The following AHNAK variants were observed in gnomAD, a reference collection of about 807,000 sequenced individuals.
AHNAK encodes neuroblast differentiation-associated protein AHNAK.
Under a neutral mutation model 37.8 loss-of-function variants are expected in AHNAK, and 23 were observed. The observed-to-expected ratio is 0.61, with a 90% CI of 0.44 to 0.86. The LOEUF (loss-of-function observed/expected upper bound fraction) is 0.86. Ranked by LOEUF, AHNAK falls within the 40% of genes least tolerant of loss-of-function variation. The probability of loss-of-function intolerance (pLI) is 0.00; values close to 1 mark genes in which losing one functional copy is unlikely to be tolerated. For missense variants in AHNAK, 7,411 were observed against 7,319.4 expected (o/e 1.01, Z -0.46); for synonymous variants, 2,481 against 2,636.3 (o/e 0.94, Z 1.80).
At chr11:62,487,302 A>G (rs1939413408) in intron 5 of AHNAK, among the ~76,000 whole-genome samples, 2 of 152,210 alleles carry the variant, frequency 1.3e-5, no homozygotes. Context: ...TGAAAGAAAA[A>G]CTGGAACATG....
At position 62,519,250 on chromosome 11, in the gene AHNAK, T is replaced by C; in HGVS notation, c.15167A>G (p.Lys5056Arg). 1 of 1,614,156 alleles carries C rather than the reference T, an allele frequency of 6.2e-7. No homozygotes were observed. The highest frequency in any genetic ancestry group is 8.5e-7 in the Non-Finnish European group (1 of 1,180,030). Residue 5056 changes from lysine (K) to arginine (R), a missense_variant, in exon 5 of 5, where the codon AAG (lysine) becomes AGG (arginine). Coordinates refer to ENST00000378024, the MANE Select transcript of AHNAK (RefSeq NM_001620.3). ...VPGGEIDASLKAPDVDVNIAG... is the reference protein window; with the variant it reads ...VPGGEIDASLRAPDVDVNIAG... ...GATGTTGACATCTACATCCGGAGCCTTGAGGCTGGCATCAATTTCACCCCC... is the reference window on the plus strand; with the variant it reads ...GATGTTGACATCTACATCCGGAGCCCTGAGGCTGGCATCAATTTCACCCCC...
chr11:62,485,325 G>A (rs1939368136), intron 5 of AHNAK, among the ~76,000 whole-genome samples: 1 of 152,078 alleles, frequency 6.6e-6, no homozygotes, highest in African/African-American at 2.4e-5. Context: ...CCAGGAGTTT[G>A]AGGCTACAGT....
chr11:62,524,099 A>C lies in AHNAK; in HGVS notation c.10318T>G (p.Leu3440Val), dbSNP rs1315928962. 6.2e-7 allele frequency: 1 copy of C among 1,613,970 alleles called. No homozygotes were observed. Among genetic ancestry groups the C allele is most frequent in the Non-Finnish European group, 8.5e-7 (1 of 1,180,024 alleles). ...TTGGGGCCTTTAAAGTCACCTTCTA[A>C]ATTGGGACCTGCAATATCTAAGTCT... ...KGDLDIAGPN[L>V]EGDFKGPKVD... Residue 3440 changes from leucine (L) to valine (V), a missense_variant, in exon 5 of 5, where the codon TTA (leucine) becomes GTA (valine). Physicochemically the swap from Leu to Val is conservative, Grantham distance 32. Coordinates refer to ENST00000378024, the MANE Select transcript of AHNAK (RefSeq NM_001620.3).
chr11:62,545,029 G>A (rs999698262), intron 1 of AHNAK, among the ~76,000 whole-genome samples: 2 of 152,224 alleles, frequency 1.3e-5, no homozygotes, highest in South Asian at 2.1e-4. Context: ...GCCCAGCGCT[G>A]TGCTGGAGAC....
rs772869715 is a variant in AHNAK, at chr11:62,517,799, C to T, written c.16618G>A (p.Asp5540Asn). 107 of 1,614,096 alleles carry T rather than the reference C, an allele frequency of 6.6e-5. No homozygotes were observed. The highest frequency in any genetic ancestry group is 1.7e-5 in the Non-Finnish European group (20 of 1,180,060). ...AAGGCAGGCCCCTTCACACTGATAT[C>T]AGGAGCAGCCCCATGGAAACCTACT... is the stretch of plus-strand genomic sequence containing the variant. ...SEVGFHGAAP[D>N]ISVKGPAFNM... is the part of the protein sequence containing the mutation. Residue 5540 changes from aspartate to asparagine, a missense_variant, in exon 5 of 5, where the codon GAT becomes AAT. Physicochemically the swap from Asp to Asn is conservative, Grantham distance 23 (BLOSUM62 1). Coordinates refer to ENST00000378024, the MANE Select transcript of AHNAK (RefSeq NM_001620.3).
chr11:62,472,390 A>C (rs1793470518), intron 5 of AHNAK, among the ~76,000 whole-genome samples: 1 of 151,920 alleles, frequency 6.6e-6, no homozygotes, highest in African/African-American at 2.4e-5. Context: ...GCCAGTCCTC[A>C]CAACTGTTCT....
rs1394379326 is a variant in AHNAK at position 62,433,971 on chromosome 11, T to G, written c.443-80A>C. On this transcript the variant is annotated intron_variant, in intron 5 of 5. Coordinates refer to the AHNAK transcript ENST00000257247. The stretch of plus-strand genomic sequence containing the variant: ...TAAAATCAGAAGATGGTTCGTTAAC[T>G]TTGCACCAACTGAAAGAAGGTCCCC... 5 of 1,574,108 alleles carry G rather than the reference T, an allele frequency of 3.2e-6. No homozygotes were observed. In the South Asian group the frequency reaches 5.8e-5, roughly 18 times the overall value.
chr11:62,467,454 G>A (rs1239121756), intron 5 of AHNAK, among the ~76,000 whole-genome samples: 1 of 151,958 alleles, frequency 6.6e-6, no homozygotes, highest in Non-Finnish European at 1.5e-5. Flanking sequence ...GGAGGCCGAG[G>A]CAGACGGATC....
intron 4 of AHNAK, among the ~76,000 whole-genome samples, chr11:62,505,313 G>T (rs1939790435): frequency 6.6e-6 from 1 of 152,076 alleles, no homozygotes; most frequent in South Asian, 2.1e-4. Context: ...CCTAGCAACG[G>T]GTCATGAGGC....
chr11:62,515,110 C>A (rs1939983634), downstream of AHNAK, among the ~76,000 whole-genome samples: 1 of 152,180 alleles, frequency 6.6e-6, no homozygotes, highest in African/African-American at 2.4e-5. Flanking sequence ...TCCTCCCCCA[C>A]CCCCACATAC....
At chr11:62,457,974 C>T (rs531973148) in intron 5 of AHNAK, among the ~76,000 whole-genome samples, 323 of 143,430 alleles carry the variant, frequency 2.3e-3, no homozygotes, top group Non-Finnish European at 3.6e-3. Flanking sequence ...AGCGCAGTGG[C>T]GCGATCTCAG....
At chr11:62,499,307 G>C (rs901341770) in intron 4 of AHNAK, among the ~76,000 whole-genome samples, 2 of 152,194 alleles carry the variant, frequency 1.3e-5, no homozygotes, top group Non-Finnish European at 2.9e-5. Flanking sequence ...CCAGCACTTT[G>C]GGAGGCCGAG....
chr11:62,539,610 G>A (rs1421469218), intron 1 of AHNAK, among the ~76,000 whole-genome samples: 1 of 152,242 alleles, frequency 6.6e-6, no homozygotes, highest in Non-Finnish European at 1.5e-5. Context: ...CAGGGCCTCA[G>A]GCAGAGTCCC....
chr11:62,516,107 G>A lies in AHNAK; in HGVS notation c.*637C>T. The A allele has an allele frequency of 7.9e-7, 1 of 1,270,348 alleles. No individual in the cohort carries two copies. The highest frequency in any genetic ancestry group is 1.0e-6 in the Non-Finnish European group (1 of 976,814). 78.7% of individuals were successfully genotyped at this position (1,270,348 alleles called of 1,614,324 possible). A position where few individuals can be genotyped will look rare whatever the true frequency, so the allele number is the denominator to read the frequency against. On this transcript the variant is annotated 3_prime_UTR_variant, in exon 5 of 5. Coordinates refer to ENST00000378024, the MANE Select transcript of AHNAK (RefSeq NM_001620.3). The stretch of plus-strand genomic sequence containing the variant: ...AAATGGAAGCCCCTCATGTTGAGGG[G>A]GTGGGTTGGACAATTTGCAAACAGA...
At chr11:62,494,506 G>A (rs993104633) in intron 4 of AHNAK, among the ~76,000 whole-genome samples, 6 of 151,868 alleles carry the variant, frequency 4.0e-5, no homozygotes, top group African/African-American at 1.5e-4. Context: ...CTACTACCCC[G>A]TTTTACACAA....
chr11:62,464,329 G>A (rs1938858891), intron 5 of AHNAK, among the ~76,000 whole-genome samples: 2 of 151,904 alleles, frequency 1.3e-5, no homozygotes, highest in East Asian at 3.9e-4. Flanking sequence ...AAGTGCTGGG[G>A]TTACAGGCAG....
intron 5 of AHNAK, among the ~76,000 whole-genome samples, chr11:62,470,271 CT>C (rs1481356444): frequency 6.6e-6 from 1 of 152,168 alleles, no homozygotes; most frequent in African/African-American, 2.4e-5. Flanking sequence ...CATGGTGAAA[CT>C]CTGTCTCTAC....
chr11:62,538,540 C>T (rs1416978945), intron 1 of AHNAK, among the ~76,000 whole-genome samples: 1 of 152,198 alleles, frequency 6.6e-6, no homozygotes, highest in Non-Finnish European at 1.5e-5. Flanking sequence ...CGTTTACATC[C>T]GGAAAGTATC....
rs1204146222 is a variant in AHNAK, at chr11:62,532,893, G to A, written c.1524C>T (p.Ser508=). ...CTCCTTTCAGTTTAGGAGACCCAAG[G>A]CTCAGATCCACATCCTGCATGGAGA... The part of the protein sequence containing the change: ...PKISMQDVDL[S]LGSPKLKGDI... Residue 508 remains serine (S), a synonymous_variant, in exon 5 of 5, where the codon AGC becomes AGT. Coordinates refer to ENST00000378024, the MANE Select transcript of AHNAK (RefSeq NM_001620.3). 2.5e-6 allele frequency: 4 copies of A among 1,613,912 alleles called. No homozygotes were observed. Among genetic ancestry groups the A allele is most frequent in the South Asian group, 1.1e-5 (1 of 91,070 alleles).
Sources: gnomAD v4.1 joint callset for allele counts (sites outside exome capture counted in the v4.1 genomes callset) on GRCh38, gnomAD v4.1.1 for gene constraint, MANE v1.5 for transcripts, NCBI Gene and HGNC (gene_info 2026-07-23, HGNC 2026-07-21) for gene names.